Variants in CALN1 observed in about 807,000 individuals in gnomAD.
The protein encoded by CALN1 is calneuron 1.
A neutral mutation model predicts 30.6 loss-of-function variants in CALN1; 17 were observed. The observed-to-expected ratio is 0.56, with a 90% confidence interval of 0.38 to 0.83. The LOEUF (loss-of-function observed/expected upper bound fraction) is 0.83, where lower values mean the gene tolerates loss of function less well. CALN1 is among the 40% of genes least tolerant of loss of function. The pLI, the probability that CALN1 is intolerant of heterozygous loss-of-function variation, is 0.00. For missense variants in CALN1, 291 were observed against 354.9 expected, an observed-to-expected ratio of 0.82 and a Z score of 1.45; for synonymous variants, 156 against 131.4, an observed-to-expected ratio of 1.19 and a Z score of -1.28.
At chr7:72,116,832 C>G (rs756862197) in intron 3 of CALN1, among the ~76,000 whole-genome samples, 1 of 152,108 alleles carries the variant, frequency 6.6e-6, no homozygotes, top group African/African-American at 2.4e-5. Context: ...ATATGAATAA[C>G]CATGGCTCAG....
intron 2 of CALN1, among the ~76,000 whole-genome samples, chr7:72,334,522 A>ACCCCCCCCCC (rs199877727): frequency 4.6e-5 from 7 of 151,454 alleles, no homozygotes; most frequent in African/African-American, 1.7e-4. Flanking sequence ...CTCAACCTGT[A>ACCCCCCCCCC]CCCCCCCTCC....
intron 5 of CALN1, among the ~76,000 whole-genome samples, chr7:71,887,133 C>T (rs1362504039): frequency 4.6e-5 from 7 of 151,902 alleles, no homozygotes; most frequent in Admixed American, 2.0e-4. Flanking sequence ...GGATTTTGTG[C>T]GGTAGGGGTG....
At chr7:72,337,353 A>C in intron 2 of CALN1, 7 of 919,294 alleles carry the variant, frequency 7.6e-6, no homozygotes, top group Non-Finnish European at 7.8e-6. Context: ...CGCCTCTCCA[A>C]TGGCTCCCTC....
intron 4 of CALN1, among the ~76,000 whole-genome samples, chr7:72,081,403 T>C (rs115762635): frequency 0.012 from 336 of 28,170 alleles, no homozygotes; most frequent in African/African-American, 0.04. Flanking sequence ...TGCAAAATCA[T>C]AGGGTGTGTG....
chr7:72,305,390 G>C (rs1799579831), intron 2 of CALN1, among the ~76,000 whole-genome samples: 1 of 152,150 alleles, frequency 6.6e-6, no homozygotes, highest in South Asian at 2.1e-4. Flanking sequence ...AGGCTGTTTT[G>C]ATCTCTTTTA....
At chr7:71,960,158 TAAATAAATAAATAAATAAATAAATA>T (rs1004261713) in intron 5 of CALN1, among the ~76,000 whole-genome samples, 4 of 144,288 alleles carry the variant, frequency 2.8e-5, no homozygotes, top group Admixed American at 7.0e-5. Flanking sequence ...AATAAATAAA[TAAATAAATAAATAAATAAATAAATA>T]AAATAAAATA....
Position 71,902,411 on chromosome 7 carries a change from A to G in CALN1, c.502-91919T>C, listed in dbSNP as rs550422405. Among the ~76,000 whole-genome samples the G allele has an allele frequency of 2.0e-5, 3 of 152,346 alleles. No individual in the cohort carries two copies. In the East Asian group the frequency reaches 5.8e-4, roughly 29 times the overall value. On this transcript the variant is annotated intron_variant, in intron 5 of 6. Transcript: ENST00000395275. The stretch of plus-strand genomic sequence containing the variant: ...GTAACTATTATTAGTAATAAATAAC[A>G]GTAAAAAATAACAGGTATTGGAGAG...
chr7:72,293,005 G>A (rs1277938660), intron 2 of CALN1, among the ~76,000 whole-genome samples: 2 of 151,992 alleles, frequency 1.3e-5, no homozygotes, highest in East Asian at 3.9e-4. Flanking sequence ...GGGCAGGGAG[G>A]TTCCTGTTGT....
chr7:72,194,729 T>A (rs1307351349), intron 3 of CALN1, among the ~76,000 whole-genome samples: 1 of 151,256 alleles, frequency 6.6e-6, no homozygotes, highest in African/African-American at 2.4e-5. Flanking sequence ...GTAGCTGGGA[T>A]TACAGGTGCC....
chr7:72,257,557 T>C (rs1795996006), intron 3 of CALN1, among the ~76,000 whole-genome samples: 1 of 152,072 alleles, frequency 6.6e-6, no homozygotes, highest in Non-Finnish European at 1.5e-5. Context: ...AGTGTGGAGA[T>C]TCCTTAAAGA....
At chr7:72,232,378 C>G (rs888750028) in intron 3 of CALN1, among the ~76,000 whole-genome samples, 1 of 152,160 alleles carries the variant, frequency 6.6e-6, no homozygotes, top group African/African-American at 2.4e-5. Context: ...TGGAGAGAAA[C>G]AAAAATCCAA....
chr7:71,809,076 T>C (rs769718798), intron 6 of CALN1, among the ~76,000 whole-genome samples: 2 of 152,102 alleles, frequency 1.3e-5, no homozygotes, highest in Non-Finnish European at 2.9e-5. Context: ...CAGCTGGGTT[T>C]TGTTTGATGC....
intron 5 of CALN1, among the ~76,000 whole-genome samples, chr7:71,864,176 A>G (rs1045602533): frequency 8.5e-5 from 13 of 152,344 alleles, no homozygotes; most frequent in Admixed American, 2.0e-4. Flanking sequence ...GGTAGACAGA[A>G]TTTTAAGATA....
the CALN1 span, among the ~76,000 whole-genome samples, chr7:72,457,693 C>A: frequency 1.0e-2 from 1,517 of 152,126 alleles, 29 homozygotes; most frequent in African/African-American, 0.035. Context: ...CTCCACAGGA[C>A]TGTCCCCCAC....
intron 1 of CALN1, among the ~76,000 whole-genome samples, chr7:72,426,148 G>T (rs771875219): frequency 5.3e-5 from 8 of 152,220 alleles, no homozygotes; most frequent in Admixed American, 2.0e-4. Flanking sequence ...CTTACCCCAG[G>T]GACTGTGTGG....
chr7:71,865,426 C>T (rs531951026), intron 5 of CALN1, among the ~76,000 whole-genome samples: 3 of 152,214 alleles, frequency 2.0e-5, no homozygotes, highest in South Asian at 2.1e-4. Context: ...AAGGTGATGC[C>T]GCCATGCTTC....
rs377617774 is a variant in CALN1 at position 71,941,121 on chromosome 7, C to T, written c.501+82536G>A. ...CAGCACTTTGGGAGGCCAAGGTGGG[C>T]GGATCACCTGAGGTCAAGAGCTCAA... On this transcript the variant is annotated intron_variant, in intron 5 of 6. Coordinates refer to ENST00000395275, the MANE Select transcript of CALN1 (RefSeq NM_031468.4). Among the ~76,000 whole-genome samples the T allele has an allele frequency of 6.4e-4, 97 of 152,070 alleles. 1 individual carries two copies. Among genetic ancestry groups the T allele is most frequent in the African/African-American group, 2.2e-3 (93 of 41,506 alleles).
intron 5 of CALN1, among the ~76,000 whole-genome samples, chr7:71,820,150 A>G (rs1788506772): frequency 2.0e-5 from 3 of 152,160 alleles, no homozygotes; most frequent in African/African-American, 7.2e-5. Flanking sequence ...GCATAATAAA[A>G]CCTTGGTCTC....
intron 2 of CALN1, among the ~76,000 whole-genome samples, chr7:72,284,339 T>C (rs1027785285): frequency 1.3e-5 from 2 of 152,194 alleles, no homozygotes; most frequent in African/African-American, 4.8e-5. Context: ...TCATTCACAT[T>C]AACTTGAAAT....
Sources: allele counts gnomAD v4.1 joint callset (sites outside exome capture counted in the v4.1 genomes callset), GRCh38; gene constraint gnomAD v4.1.1; transcripts MANE v1.5; gene names NCBI Gene and HGNC (gene_info 2026-07-23, HGNC 2026-07-21).